DDX60L: variants seen among roughly 807,000 people sequenced by gnomAD.
The protein encoded by DDX60L is probable ATP-dependent RNA helicase DDX60-like.
In DDX60L, 191 loss-of-function variants were observed where a neutral mutation model predicts 211.6. That is an observed-to-expected ratio of 0.90 (90% confidence interval 0.80 to 1.02). DDX60L has a LOEUF of 1.02. Among genes scored for constraint, DDX60L ranks in the 50% least tolerant of loss-of-function variants. The probability of loss-of-function intolerance (pLI) is 0.00; values close to 1 mark genes in which losing one functional copy is unlikely to be tolerated. For synonymous variants in DDX60L, 706 were observed against 694.1 expected (o/e 1.02, Z -0.27); for missense variants, 2,007 against 1,984.1 (o/e 1.01, Z -0.22).
intron 1 of DDX60L, among the ~76,000 whole-genome samples, chr4:168,473,602 C>T (rs912176291): frequency 1.3e-5 from 2 of 152,234 alleles, no homozygotes; most frequent in Admixed American, 6.5e-5. Flanking sequence ...TTGAACAAAG[C>T]ACACTGAAAG....
At chr4:168,360,769 T>C (rs1304685413) in intron 37 of DDX60L, among the ~76,000 whole-genome samples, 1 of 152,212 alleles carries the variant, frequency 6.6e-6, no homozygotes. Context: ...GAAGTGGATA[T>C]AAACCAGAGA....
At chr4:168,448,509 C>A in intron 9 of DDX60L, 129 bp downstream of exon 9, 1 of 604,226 alleles carries the variant, frequency 1.7e-6, no homozygotes, top group South Asian at 2.5e-5. Flanking sequence ...AAATAAAATA[C>A]GTAAAAAGTA....
chr4:168,362,736 T>G (rs1432123392), intron 36 of DDX60L, among the ~76,000 whole-genome samples: 1 of 152,126 alleles, frequency 6.6e-6, no homozygotes, highest in African/African-American at 2.4e-5. Context: ...AGAAATAATT[T>G]CTGAATTTGA....
chr4:168,378,577 A>C, intron 32 of DDX60L, 102 bp from the exon 33 acceptor site: 1 of 829,306 alleles, frequency 1.2e-6, no homozygotes, highest in Non-Finnish European at 1.8e-6. Context: ...GTTGAAGGCA[A>C]AATTTTCTAG....
At chr4:168,443,635 G>A (rs1468278223) in intron 9 of DDX60L, among the ~76,000 whole-genome samples, 2 of 151,576 alleles carry the variant, frequency 1.3e-5, no homozygotes, top group African/African-American at 2.4e-5. Context: ...GAGAAAGGTT[G>A]GGTTACCCTC....
intron 5 of DDX60L, among the ~76,000 whole-genome samples, chr4:168,460,114 T>C (rs1441285316): frequency 6.6e-6 from 1 of 152,180 alleles, no homozygotes; most frequent in Non-Finnish European, 1.5e-5. Flanking sequence ...ATGAATTACA[T>C]TGAAAGATTA....
intron 18 of DDX60L, 88 bp from the exon 19 acceptor site, chr4:168,419,485 C>T (rs1750124734): frequency 4.7e-6 from 4 of 846,382 alleles, no homozygotes; most frequent in East Asian, 5.9e-5. Flanking sequence ...AAATATGCTG[C>T]TGCTGATAGC....
In DDX60L at chr4:168,397,865, G is replaced by A. The variant is rs531573067; in HGVS notation, c.3492-1741C>T. ...CTTCTGAGTTGACAGGGTGGGAGAC[G>A]CCTTCCCCAGGCACAGCTGTAGCCA... On this transcript the variant is annotated intron_variant, in intron 26 of 37. Transcript: ENST00000682922. Among the ~76,000 whole-genome samples, 236 of 152,278 alleles carry A rather than the reference G, an allele frequency of 1.5e-3. 1 individual carries two copies. Among genetic ancestry groups the A allele is most frequent in the Non-Finnish European group, 2.6e-3 (177 of 67,996 alleles).
At chr4:168,425,259 C>T (rs924425278) in intron 14 of DDX60L, among the ~76,000 whole-genome samples, 4 of 152,308 alleles carry the variant, frequency 2.6e-5, no homozygotes, top group East Asian at 1.9e-4. Context: ...CAAGTAAAAA[C>T]ACATATGCTA....
At chr4:168,371,845 T>C (rs1741086885) in intron 35 of DDX60L, 82 bp from the exon 36 acceptor site, 1 of 1,320,330 alleles carries the variant, frequency 7.6e-7, no homozygotes, top group Admixed American at 2.2e-5. Context: ...TTTGTATGAA[T>C]CTGTTTCTTA....
intron 9 of DDX60L, among the ~76,000 whole-genome samples, chr4:168,448,341 T>C (rs892656210): frequency 6.6e-6 from 1 of 152,148 alleles, no homozygotes; most frequent in African/African-American, 2.4e-5. Context: ...CCTTAAATGT[T>C]CAAAAATAGT....
rs115115066 is a variant in DDX60L at position 168,418,932 on chromosome 4, T to A, written c.2610+370A>T. Among the ~76,000 whole-genome samples the A allele has an allele frequency of 3.1e-3, 479 of 152,338 alleles. 2 individuals are homozygous for A. The highest frequency in any genetic ancestry group is 0.011 in the African/African-American group (456 of 41,586). ...GCTCTCTCTCCCTAAGAGGTCAACC[T>A]TGGCCAGCTGCATTTCTTCACCAAG... On this transcript the variant is annotated intron_variant, in intron 19 of 37. Coordinates refer to ENST00000682922, the MANE Select transcript of DDX60L (RefSeq NM_001012967.3).
At chr4:168,376,590 T>C (rs2149661480) in intron 33 of DDX60L, among the ~76,000 whole-genome samples, 1 of 152,324 alleles carries the variant, frequency 6.6e-6, no homozygotes, top group East Asian at 1.9e-4. Flanking sequence ...GCTCCATCTG[T>C]GGATGGACCA....
chr4:168,474,561 C>T (rs1318992174), intron 1 of DDX60L, among the ~76,000 whole-genome samples: 1 of 152,012 alleles, frequency 6.6e-6, no homozygotes, highest in African/African-American at 2.4e-5. Flanking sequence ...GAAATAGGAG[C>T]TTGCATGCTG....
At chr4:168,449,031 T>C (rs1476795470) in intron 8 of DDX60L, among the ~76,000 whole-genome samples, 1 of 152,206 alleles carries the variant, frequency 6.6e-6, no homozygotes, top group African/African-American at 2.4e-5. Context: ...GTTCCCTTAA[T>C]GTGGTACTAA....
At chr4:168,446,334 G>A (rs1754789893) in intron 9 of DDX60L, among the ~76,000 whole-genome samples, 1 of 152,090 alleles carries the variant, frequency 6.6e-6, no homozygotes, top group Non-Finnish European at 1.5e-5. Context: ...GGATGTGAAG[G>A]ACCTCTTCAA....
rs368384460 is a variant in DDX60L, at chr4:168,379,409, A to G, written c.4317T>C (p.Phe1439=). 8.1e-6 allele frequency: 13 copies of G among 1,602,738 alleles called. No individual in the cohort carries two copies. Among genetic ancestry groups the G allele is most frequent in the Non-Finnish European group, 1.0e-5 (12 of 1,176,784 alleles). The part of the protein sequence containing the change: ...HEPSNLVFVN[F]LKRGLFHNLC... The stretch of plus-strand genomic sequence containing the variant: ...GATTATGGAAAAGGCCTCTCTTGAG[A>G]AAATTTACAAAAACAAGATTTGAAG... Residue 1439 remains phenylalanine (F), a synonymous_variant, in exon 32 of 38, where the codon TTT becomes TTC. Coordinates refer to ENST00000682922, the MANE Select transcript of DDX60L (RefSeq NM_001012967.3).
Position 168,371,594 on chromosome 4 carries a change from ACAT to A in DDX60L, c.4928+15_4928+17del. The A allele has an allele frequency of 6.7e-7, 1 of 1,492,024 alleles. No individual in the cohort carries two copies. The highest frequency in any genetic ancestry group is 9.1e-7 in the Non-Finnish European group (1 of 1,097,700). The allele number at this position is 1,492,024 out of a possible 1,614,324, so 92.4% of individuals were successfully genotyped here. ...ATATGTATGTATATATTTTACAGAAACATACCCATAAACTTACCCATTTTTTTG... is the reference window on the plus strand; with the variant it reads ...ATATGTATGTATATATTTTACAGAAAACCCATAAACTTACCCATTTTTTTG... On this transcript the variant is annotated intron_variant, in intron 36 of 37. Coordinates refer to ENST00000682922, the MANE Select transcript of DDX60L (RefSeq NM_001012967.3).
rs542283532 is a variant in DDX60L, at chr4:168,420,338, T to C, written c.2437A>G (p.Thr813Ala). Reference sequence around the variant, plus strand: ...GTTCTGCCGGCAGGCAACGTTTTAGTAAAACGATTCTCAACAGTTGCAGCC... The same window carrying C: ...GTTCTGCCGGCAGGCAACGTTTTAGCAAAACGATTCTCAACAGTTGCAGCC... The part of the protein sequence containing the change: ...QVAATVENRF[T>A]KTLPAGRTLC... Residue 813 changes from threonine (T) to alanine (A), a missense_variant, in exon 18 of 38, where the codon ACT becomes GCT. Transcript: ENST00000682922. 1 of 1,611,068 alleles carries C rather than the reference T, an allele frequency of 6.2e-7. No individual in the cohort carries two copies. The highest frequency in any genetic ancestry group is 1.1e-5 in the South Asian group (1 of 90,270).
Sources: gnomAD v4.1 joint callset for allele counts (sites outside exome capture counted in the v4.1 genomes callset) on GRCh38, gnomAD v4.1.1 for gene constraint, MANE v1.5 for transcripts, NCBI Gene and HGNC (gene_info 2026-07-23, HGNC 2026-07-21) for gene names.